The following DUSP22 variants were observed in gnomAD, a reference collection of about 807,000 sequenced individuals.
The protein encoded by DUSP22 is dual specificity protein phosphatase 22.
DUSP22 carries 24 observed loss-of-function variants against 24.5 expected under a neutral mutation model. The observed-to-expected ratio is 0.98, with a 90% confidence interval of 0.71 to 1.38. The LOEUF is 1.38. DUSP22 is among the 40% of genes most tolerant of loss of function. The probability of loss-of-function intolerance (pLI) is 0.00; values close to 1 mark genes in which losing one functional copy is unlikely to be tolerated. For synonymous variants in DUSP22, 160 were observed against 106.4 expected (o/e 1.50, Z -3.10); for missense variants, 330 against 269.2 (o/e 1.23, Z -1.58).
chr6:344,643 C>T (rs1250130232), intron 4 of DUSP22, among the ~76,000 whole-genome samples: 1 of 152,292 alleles, frequency 6.6e-6, no homozygotes. Flanking sequence ...CCTCATCTGC[C>T]CTGTGAGATA....
At chr6:323,349 A>G (rs1349380220) in intron 3 of DUSP22, among the ~76,000 whole-genome samples, 1 of 152,304 alleles carries the variant, frequency 6.6e-6, no homozygotes, top group African/African-American at 2.4e-5. Flanking sequence ...GCCAGCGTCA[A>G]GTTTCAGCAT....
At chr6:330,165 C>T (rs757289400) in intron 3 of DUSP22, among the ~76,000 whole-genome samples, 28 of 152,400 alleles carry the variant, frequency 1.8e-4, no homozygotes, top group Admixed American at 1.4e-3. Flanking sequence ...TCACTGCTGC[C>T]GCACAGGCTG....
intron 1 of DUSP22, among the ~76,000 whole-genome samples, chr6:293,860 A>G (rs1212663768): frequency 7.7e-6 from 1 of 129,748 alleles, no homozygotes; most frequent in African/African-American, 3.1e-5. Context: ...TCTCTCTTGG[A>G]TAAATACTTG....
intron 4 of DUSP22, among the ~76,000 whole-genome samples, chr6:338,511 C>G (rs897371979): frequency 1.3e-5 from 2 of 152,422 alleles, no homozygotes; most frequent in Non-Finnish European, 2.9e-5. Context: ...CTTTCTGTAT[C>G]ATCAACCAAT....
chr6:331,713 T>C (rs1384821585), intron 3 of DUSP22, among the ~76,000 whole-genome samples: 3 of 152,308 alleles, frequency 2.0e-5, no homozygotes, highest in African/African-American at 4.8e-5. Context: ...TGCAGGTATC[T>C]GAAGCTGTTC....
In DUSP22 at chr6:296,444, T is replaced by C. The variant is rs930819444; in HGVS notation, c.21+3884T>C. 2.6e-5 allele frequency among the ~76,000 whole-genome samples: 4 copies of C among 152,302 alleles called. No individual in the cohort carries two copies. The East Asian group carries it at 7.7e-4, about 29-fold the overall frequency. ...AAGCCACAGTCTGGCTCGGCCACAATGCAGAGTGCCTCACCACGCTGCTAA... is the reference window on the plus strand; with the variant it reads ...AAGCCACAGTCTGGCTCGGCCACAACGCAGAGTGCCTCACCACGCTGCTAA... On this transcript the variant is annotated intron_variant, in intron 1 of 6. Coordinates refer to ENST00000419235, the MANE Select transcript of DUSP22 (RefSeq NM_001286555.3).
Position 335,046 on chromosome 6 carries a change from C to T in DUSP22, c.139-68C>T, listed in dbSNP as rs567568670. The T allele has an allele frequency of 7.1e-6, 11 of 1,553,102 alleles. No homozygotes were observed. The East Asian group carries it at 2.0e-4, about 29-fold the overall frequency. On this transcript the variant is annotated intron_variant, in intron 3 of 6. Transcript: ENST00000419235. ...ATTTTTTGACCTGTGTAAATAGTTC[C>T]TTAAATACTTTTCTCCACTGAGTTT...
intron 3 of DUSP22, chr6:326,101 T>G (rs1232322077): frequency 1.2e-5 from 3 of 252,802 alleles, no homozygotes; most frequent in African/African-American, 7.2e-5. Flanking sequence ...TCCTGGTGTG[T>G]GCAATGCTGT....
At chr6:307,797 A>G (rs576250798) in intron 2 of DUSP22, among the ~76,000 whole-genome samples, 2 of 152,308 alleles carry the variant, frequency 1.3e-5, no homozygotes, top group African/African-American at 4.8e-5. Context: ...CCATGTTCGC[A>G]GTCTTGAGCT....
chr6:341,645 G>A (rs1011950636), intron 4 of DUSP22, among the ~76,000 whole-genome samples: 13 of 152,424 alleles, frequency 8.5e-5, no homozygotes, highest in African/African-American at 2.9e-4. Context: ...GCATCCTTCC[G>A]GCTCCTGGGG....
At chr6:303,223 A>G (rs1200054430) in intron 1 of DUSP22, among the ~76,000 whole-genome samples, 1 of 152,418 alleles carries the variant, frequency 6.6e-6, no homozygotes, top group African/African-American at 2.4e-5. Flanking sequence ...CACATCCAGG[A>G]CGAACTTGCA....
rs903501495 is a variant in DUSP22 at position 349,877 on chromosome 6, G to A, written c.*926G>A. On this transcript the variant is annotated 3_prime_UTR_variant, in exon 7 of 7. Transcript: ENST00000419235. ...CTTTAGCCTAAGTTGGGTGCCCCAG[G>A]GCACCCCCTCCTCTCTGCTCCTTGC... 8 of 985,894 alleles carry A rather than the reference G, an allele frequency of 8.1e-6. No individual in the cohort carries two copies. The South Asian group carries it at 1.9e-4, about 23-fold the overall frequency. 61.1% of individuals were successfully genotyped at this position (985,894 alleles called of 1,614,324 possible). A position where few individuals can be genotyped will look rare whatever the true frequency, so the allele number is the denominator to read the frequency against.
At chr6:295,027 T>G (rs1208065557) in intron 1 of DUSP22, among the ~76,000 whole-genome samples, 3 of 152,288 alleles carry the variant, frequency 2.0e-5, no homozygotes, top group African/African-American at 7.2e-5. Flanking sequence ...TTAAGAACCT[T>G]AACTAGAACT....
intron 2 of DUSP22, among the ~76,000 whole-genome samples, chr6:308,931 T>C (rs1223561252): frequency 2.0e-5 from 3 of 152,294 alleles, no homozygotes; most frequent in Non-Finnish European, 4.4e-5. Context: ...CTGCCCCGCC[T>C]CTACTGGGTC....
chr6:333,196 G>A (rs1319852799), intron 3 of DUSP22, among the ~76,000 whole-genome samples: 2 of 152,312 alleles, frequency 1.3e-5, no homozygotes, highest in African/African-American at 2.4e-5. Flanking sequence ...AGAGACAGGA[G>A]GAGGCAACTG....
At chr6:308,956 T>A (rs1165155902) in intron 2 of DUSP22, among the ~76,000 whole-genome samples, 3 of 152,306 alleles carry the variant, frequency 2.0e-5, no homozygotes, top group Non-Finnish European at 2.9e-5. Flanking sequence ...CCCCACCTCC[T>A]CCAGGTTCTG....
At chr6:328,197 C>G (rs1217576111) in intron 3 of DUSP22, among the ~76,000 whole-genome samples, 1 of 152,304 alleles carries the variant, frequency 6.6e-6, no homozygotes, top group African/African-American at 2.4e-5. Flanking sequence ...TGCCTTGGTC[C>G]CAAGTGACTG....
intron 2 of DUSP22, among the ~76,000 whole-genome samples, chr6:309,089 G>A (rs1046222586): frequency 3.1e-4 from 47 of 152,282 alleles, no homozygotes; most frequent in Non-Finnish European, 6.2e-4. Context: ...CTTCCAAAAC[G>A]ATTCTAGCTT....
rs57650392 is a variant in DUSP22 at position 344,317 on chromosome 6, G to T, written c.189-1537G>T. 8.7e-3 allele frequency among the ~76,000 whole-genome samples: 1,315 copies of T among 151,952 alleles called. No individual in the cohort carries two copies. In the East Asian group the frequency reaches 0.12, roughly 14 times the overall value. ...TGTTTATTTATTGAGACAGGGTCTC[G>T]CTGTGTCGCTCAGGCTGGAGTGCGG... On this transcript the variant is annotated intron_variant, in intron 4 of 6. Transcript: ENST00000419235.
Sources: allele counts gnomAD v4.1 joint callset (sites outside exome capture counted in the v4.1 genomes callset), GRCh38; gene constraint gnomAD v4.1.1; transcripts MANE v1.5; gene names NCBI Gene and HGNC (gene_info 2026-07-23, HGNC 2026-07-21).